The following ACTR3C variants were observed in gnomAD, a reference collection of about 807,000 sequenced individuals.
ACTR3C encodes actin related protein 3C, also known as actin-related protein 3C.
ACTR3C carries 18 observed loss-of-function variants against 26.3 expected under a neutral mutation model. The observed-to-expected ratio is 0.68, with a 90% CI of 0.47 to 1.01. The LOEUF (loss-of-function observed/expected upper bound fraction) is 1.01. ACTR3C is among the 50% of genes least tolerant of loss of function. The pLI is 0.00. For synonymous variants in ACTR3C, 55 were observed against 94.5 expected (o/e 0.58, Z 2.42); for missense variants, 184 against 250.7 (o/e 0.73, Z 1.80).
At chr7:150,250,000 T>C (rs1563144517) in intron 6 of ACTR3C, among the ~76,000 whole-genome samples, 1 of 152,158 alleles carries the variant, frequency 6.6e-6, no homozygotes, top group Non-Finnish European at 1.5e-5. Context: ...CGCAGTGCTC[T>C]GCATGTCGCA....
At chr7:149,919,724 T>C in the ACTR3C span, among the ~76,000 whole-genome samples, 2 of 152,242 alleles carry the variant, frequency 1.3e-5, no homozygotes, top group Admixed American at 6.5e-5. Flanking sequence ...TGTTGTTGCC[T>C]GTTTCCTTTT....
At chr7:150,049,586 C>T in the ACTR3C span, among the ~76,000 whole-genome samples, 1 of 152,388 alleles carries the variant, frequency 6.6e-6, no homozygotes, top group Admixed American at 6.5e-5. Context: ...CAGGCTCGCC[C>T]CCAGCCTTGG....
At chr7:150,004,690 G>A in the ACTR3C span, 2 of 152,198 alleles carry the variant, frequency 1.3e-5, no homozygotes, top group East Asian at 1.9e-4. Context: ...CTGATATCAC[G>A]TGCCTCTTGA....
chr7:150,266,273 T>C (rs1253985425), intron 6 of ACTR3C, among the ~76,000 whole-genome samples: 1 of 146,836 alleles, frequency 6.8e-6, no homozygotes, highest in Non-Finnish European at 1.5e-5. Flanking sequence ...AACAGTGCTA[T>C]GCATATGTGG....
chr7:149,968,775 C>A, the ACTR3C span, among the ~76,000 whole-genome samples: 47 of 152,122 alleles, frequency 3.1e-4, no homozygotes, highest in Non-Finnish European at 6.3e-4. Flanking sequence ...CTTGTTCCAG[C>A]ATAAAATTCA....
At chr7:149,997,492 G>A in the ACTR3C span, among the ~76,000 whole-genome samples, 1 of 152,104 alleles carries the variant, frequency 6.6e-6, no homozygotes, top group Non-Finnish European at 1.5e-5. Context: ...GTGCTTAAGA[G>A]AGTGTCTGGT....
At chr7:149,986,381 T>G in the ACTR3C span, among the ~76,000 whole-genome samples, 2 of 152,220 alleles carry the variant, frequency 1.3e-5, no homozygotes, top group Admixed American at 1.3e-4. Flanking sequence ...GTCCTTCTTG[T>G]CTATTTTAAA....
chr7:149,999,956 T>C, the ACTR3C span, among the ~76,000 whole-genome samples: 4 of 151,484 alleles, frequency 2.6e-5, no homozygotes, highest in Non-Finnish European at 5.9e-5. Context: ...TTGATGTTAA[T>C]AATGAAACAT....
chr7:149,968,283 C>T, the ACTR3C span, among the ~76,000 whole-genome samples: 415 of 152,294 alleles, frequency 2.7e-3, 4 homozygotes, highest in Middle Eastern at 0.014. Context: ...CGGTGTCTCA[C>T]GCCTGTAATC....
the ACTR3C span, among the ~76,000 whole-genome samples, chr7:150,185,334 G>A: frequency 2.1e-4 from 32 of 151,536 alleles, no homozygotes; most frequent in Admixed American, 7.2e-4. Flanking sequence ...TTCTCTGGGC[G>A]AAAGGGCCAA....
chr7:149,934,070 C>G, the ACTR3C span, among the ~76,000 whole-genome samples: 1 of 151,552 alleles, frequency 6.6e-6, no homozygotes, highest in Non-Finnish European at 1.5e-5. Context: ...TGCATGCATT[C>G]TGGGTGTCAA....
the ACTR3C span, among the ~76,000 whole-genome samples, chr7:149,965,565 A>G: frequency 6.6e-6 from 1 of 151,688 alleles, no homozygotes; most frequent in African/African-American, 2.4e-5. Context: ...CAGTCAGAGA[A>G]TATTTGAAGG....
chr7:150,067,250 T>A, the ACTR3C span, among the ~76,000 whole-genome samples: 1 of 152,184 alleles, frequency 6.6e-6, no homozygotes, highest in Admixed American at 6.5e-5. Flanking sequence ...GACTTGGAAA[T>A]GATTCAGTTT....
the ACTR3C span, among the ~76,000 whole-genome samples, chr7:149,998,044 T>C: frequency 2.6e-5 from 4 of 151,264 alleles, no homozygotes; most frequent in South Asian, 6.3e-4. Context: ...GCTCCCACAA[T>C]AGGGCCATTC....
the ACTR3C span, among the ~76,000 whole-genome samples, chr7:150,198,688 C>T: frequency 6.7e-6 from 1 of 149,488 alleles, no homozygotes; most frequent in Non-Finnish European, 1.5e-5. Flanking sequence ...CTCCGCCCGG[C>T]AGCCACCCCA....
the ACTR3C span, among the ~76,000 whole-genome samples, chr7:150,105,377 C>T: frequency 5.3e-5 from 8 of 152,118 alleles, no homozygotes; most frequent in East Asian, 3.9e-4. Context: ...CCACCGCCCC[C>T]GGCCTCTTCA....
chr7:150,303,838 T>C (rs1795614615), intron 1 of ACTR3C, among the ~76,000 whole-genome samples: 2 of 152,238 alleles, frequency 1.3e-5, no homozygotes, highest in African/African-American at 4.8e-5. Flanking sequence ...GAGAATAATC[T>C]GGTTTTTTAA....
At chr7:150,242,645 G>C (rs1435982250), downstream of ACTR3C, among the ~76,000 whole-genome samples, 1 of 152,216 alleles carries the variant, frequency 6.6e-6, no homozygotes, top group Non-Finnish European at 1.5e-5. Flanking sequence ...TGTGTAGTAT[G>C]ATCTGATGTA....
At chr7:149,967,303 G>T in the ACTR3C span, among the ~76,000 whole-genome samples, 1 of 152,018 alleles carries the variant, frequency 6.6e-6, no homozygotes, top group East Asian at 1.9e-4. Context: ...CCAAAGTGCT[G>T]GGATTACAGG....
Sources: allele counts gnomAD v4.1 joint callset (sites outside exome capture counted in the v4.1 genomes callset), GRCh38; gene constraint gnomAD v4.1.1; transcripts MANE v1.5; gene names NCBI Gene and HGNC (gene_info 2026-07-23, HGNC 2026-07-21).